Variants in DIAPH2 observed in about 807,000 individuals in gnomAD.
DIAPH2 encodes diaphanous related formin 2.
Under a neutral mutation model 92.7 loss-of-function variants are expected in DIAPH2, and 35 were observed. The observed-to-expected ratio is 0.38, with a 90% CI of 0.29 to 0.50. DIAPH2 has a LOEUF of 0.50. Among genes scored for constraint, DIAPH2 ranks in the 20% least tolerant of loss-of-function variants. The pLI, the probability that DIAPH2 is intolerant of heterozygous loss-of-function variation, is 0.94. For missense variants in DIAPH2, 701 were observed against 819.5 expected, an observed-to-expected ratio of 0.86 and a Z score of 1.77; for synonymous variants, 301 against 280.4, an observed-to-expected ratio of 1.07 and a Z score of -0.73.
intron 1 of DIAPH2, among the ~76,000 whole-genome samples, chrX:96,707,765 C>T (rs1290016613): frequency 8.9e-6 from 1 of 111,964 alleles, no homozygotes; most frequent in African/African-American, 3.2e-5. Flanking sequence ...CCACTTCTTT[C>T]TTGCAAGTGG....
intron 4 of DIAPH2, among the ~76,000 whole-genome samples, chrX:96,772,787 AT>A (rs1447650318): frequency 8.9e-6 from 1 of 112,846 alleles, no homozygotes; most frequent in Non-Finnish European, 1.9e-5. Context: ...CTGTTTGTAA[AT>A]TTTTAGTAAC....
chrX:97,167,343 G>A (rs753480711), intron 22 of DIAPH2, among the ~76,000 whole-genome samples: 3 of 111,548 alleles, frequency 2.7e-5, no homozygotes, highest in Non-Finnish European at 5.6e-5. Flanking sequence ...AATCAAAACA[G>A]ATCATGTTAA....
At chrX:97,040,912 A>G (rs1288569080) in intron 17 of DIAPH2, among the ~76,000 whole-genome samples, 1 of 110,803 alleles carries the variant, frequency 9.0e-6, no homozygotes, top group Non-Finnish European at 1.9e-5. Flanking sequence ...CACATTATTA[A>G]TATCTTGCAT....
chrX:97,135,598 C>CT (rs1209044973), intron 21 of DIAPH2, among the ~76,000 whole-genome samples: 1 of 111,303 alleles, frequency 9.0e-6, no homozygotes, highest in Non-Finnish European at 1.9e-5. Flanking sequence ...CGCATACCAT[C>CT]TTCATCACCC....
intron 4 of DIAPH2, among the ~76,000 whole-genome samples, chrX:96,816,708 CAGTCCCACTGCTG>C (rs761423649): frequency 8.9e-6 from 1 of 112,131 alleles, no homozygotes; most frequent in South Asian, 3.7e-4. Context: ...TATGATCCAG[CAGTCCCACTGCTG>C]GGTATATACC....
intron 5 of DIAPH2, among the ~76,000 whole-genome samples, chrX:96,888,555 CTATATATATACACAGA>C (rs201470246): frequency 5.2e-5 from 4 of 77,114 alleles, no homozygotes; most frequent in African/African-American, 1.6e-4. Flanking sequence ...ATATATATAT[CTATATATATACACAGA>C]TATATATATC....
At chrX:97,560,992 G>A (rs1361557370) in intron 26 of DIAPH2, among the ~76,000 whole-genome samples, 1 of 112,107 alleles carries the variant, frequency 8.9e-6, no homozygotes, top group Admixed American at 9.4e-5. Flanking sequence ...ATGCATTTCA[G>A]CATTCCCTAG....
intron 26 of DIAPH2, among the ~76,000 whole-genome samples, chrX:97,475,984 C>G (rs982088757): frequency 1.8e-5 from 2 of 111,793 alleles, no homozygotes; most frequent in African/African-American, 6.5e-5. Flanking sequence ...CTATGTGCAT[C>G]ATATTATATG....
chrX:97,495,694 G>T (rs1027110356), intron 26 of DIAPH2, among the ~76,000 whole-genome samples: 5 of 111,455 alleles, frequency 4.5e-5, no homozygotes, highest in African/African-American at 1.6e-4. Flanking sequence ...GTGATGAGTG[G>T]GTAAGAAAGA....
At chrX:97,312,551 T>C (rs1476663880) in intron 23 of DIAPH2, among the ~76,000 whole-genome samples, 2 of 109,591 alleles carry the variant, frequency 1.8e-5, no homozygotes, top group African/African-American at 6.6e-5. Flanking sequence ...GGTTTTGCCA[T>C]GCTGGCCAGG....
chrX:97,413,374 C>T (rs994851064), intron 25 of DIAPH2, among the ~76,000 whole-genome samples: 2 of 111,247 alleles, frequency 1.8e-5, no homozygotes, highest in Non-Finnish European at 3.8e-5. Context: ...GCTAAAAACT[C>T]TCAATAAACT....
chrX:97,559,648 G>A (rs758767170), intron 26 of DIAPH2, among the ~76,000 whole-genome samples: 3 of 111,844 alleles, frequency 2.7e-5, no homozygotes, highest in Non-Finnish European at 5.6e-5. Flanking sequence ...TTCACTTTTC[G>A]TTTCTACGTA....
chrX:97,514,864 C>G (rs942574264), intron 26 of DIAPH2, among the ~76,000 whole-genome samples: 3 of 111,601 alleles, frequency 2.7e-5, no homozygotes, highest in African/African-American at 3.3e-5. Flanking sequence ...GCAGCCTGCC[C>G]GTTCTCAGAT....
intron 26 of DIAPH2, chrX:97,555,426 A>G: frequency 1.3e-6 from 1 of 749,431 alleles, no homozygotes; most frequent in Non-Finnish European, 1.6e-6. Context: ...TTCACTCTAC[A>G]GTTTTTAAGT....
intron 23 of DIAPH2, among the ~76,000 whole-genome samples, chrX:97,259,321 C>T (rs1040875883): frequency 3.9e-4 from 43 of 110,192 alleles, no homozygotes; most frequent in African/African-American, 1.4e-3. Context: ...CATGGGACTC[C>T]GTCTCAAAAA....
chrX:97,200,480 G>A (rs768694416), intron 22 of DIAPH2, among the ~76,000 whole-genome samples: 2 of 112,763 alleles, frequency 1.8e-5, no homozygotes, highest in South Asian at 7.3e-4. Context: ...TGATAGGGAG[G>A]GTCATCCGCC....
chrX:97,295,951 C>T (rs1033949118), intron 23 of DIAPH2, among the ~76,000 whole-genome samples: 4 of 110,251 alleles, frequency 3.6e-5, no homozygotes, highest in African/African-American at 1.3e-4. Flanking sequence ...AGGCTGGTCT[C>T]GAACTCCTAA....
At chrX:97,506,882 T>C (rs1478610337) in intron 26 of DIAPH2, among the ~76,000 whole-genome samples, 2 of 111,645 alleles carry the variant, frequency 1.8e-5, no homozygotes, top group Non-Finnish European at 3.8e-5. Flanking sequence ...TTAACAAACG[T>C]TCAATGTGCT....
At chrX:97,540,797 A>G (rs1177751823) in intron 26 of DIAPH2, among the ~76,000 whole-genome samples, 2 of 112,285 alleles carry the variant, frequency 1.8e-5, no homozygotes, top group Non-Finnish European at 3.8e-5. Flanking sequence ...ACTAGAAGCA[A>G]AACAGTAATG....
Sources: gnomAD v4.1 joint callset for allele counts (sites outside exome capture counted in the v4.1 genomes callset) on GRCh38, gnomAD v4.1.1 for gene constraint, MANE v1.5 for transcripts, NCBI Gene and HGNC (gene_info 2026-07-23, HGNC 2026-07-21) for gene names.